XIRP2: variants seen among roughly 807,000 people sequenced by gnomAD.
XIRP2 encodes the protein xin actin-binding repeat-containing protein 2.
Under a neutral mutation model 277.0 loss-of-function variants are expected in XIRP2, and 236 were observed. The observed-to-expected ratio is 0.85, with a 90% CI of 0.77 to 0.95. The LOEUF (loss-of-function observed/expected upper bound fraction) is 0.95, where lower values mean the gene tolerates loss of function less well. Among genes scored for constraint, XIRP2 ranks in the 40% least tolerant of loss-of-function variants. The probability of loss-of-function intolerance (pLI) is 0.00; values close to 1 mark genes in which losing one functional copy is unlikely to be tolerated. For missense variants in XIRP2, 4,640 were observed against 4,157.5 expected, an observed-to-expected ratio of 1.12 and a Z score of -3.19; for synonymous variants, 1,490 against 1,416.5, an observed-to-expected ratio of 1.05 and a Z score of -1.17.
chr2:167,199,200 T>G (rs1405349704), intron 3 of XIRP2, among the ~76,000 whole-genome samples: 3 of 152,136 alleles, frequency 2.0e-5, no homozygotes, highest in Non-Finnish European at 2.9e-5. Flanking sequence ...GAGAGGAAAT[T>G]CCTAAAACAC....
intron 3 of XIRP2, among the ~76,000 whole-genome samples, chr2:167,196,907 G>C (rs1254530696): frequency 6.6e-6 from 1 of 152,078 alleles, no homozygotes; most frequent in Non-Finnish European, 1.5e-5. Context: ...ACTGGGCTGG[G>C]GAGGCTAGTT....
chr2:166,914,821 G>A (rs1574075104), intron 2 of XIRP2, among the ~76,000 whole-genome samples: 1 of 151,954 alleles, frequency 6.6e-6, no homozygotes, highest in African/African-American at 2.4e-5. Context: ...TCAAAGTCAG[G>A]TCTTTGATTT....
chr2:167,148,165 T>C (rs1691911738), intron 3 of XIRP2, among the ~76,000 whole-genome samples: 1 of 151,968 alleles, frequency 6.6e-6, no homozygotes, highest in Admixed American at 6.6e-5. Context: ...GTGGATCACC[T>C]GAAGTCAGGA....
intron 3 of XIRP2, among the ~76,000 whole-genome samples, chr2:167,175,906 TG>T (rs1388770149): frequency 5.3e-5 from 8 of 152,192 alleles, no homozygotes; most frequent in Admixed American, 1.3e-4. Flanking sequence ...CCAGCGGCTT[TG>T]TTTACCCTGT....
chr2:167,246,476 T>C lies in XIRP2; in HGVS notation c.5084T>C (p.Leu1695Pro), dbSNP rs1308545681. 1 of 1,613,732 alleles carries C rather than the reference T, an allele frequency of 6.2e-7. No homozygotes were observed. Reference sequence around the variant, plus strand: ...ATTAACATGACTATCTATTGTCTTCTTCATGAAAATGATGGTGACACAATT... The same window carrying C: ...ATTAACATGACTATCTATTGTCTTCCTCATGAAAATGATGGTGACACAATT... ...GDINMTIYCL[L>P]HENDGDTIER... Residue 1695 changes from leucine to proline, a missense_variant, in exon 9 of 11, where the codon CTT (leucine) becomes CCT (proline). Coordinates refer to ENST00000409195, the MANE Select transcript of XIRP2 (RefSeq NM_152381.6).
intron 9 of XIRP2, among the ~76,000 whole-genome samples, chr2:167,252,849 A>G (rs1279804601): frequency 6.6e-6 from 1 of 151,988 alleles, no homozygotes; most frequent in Non-Finnish European, 1.5e-5. Flanking sequence ...TGCCTCCATC[A>G]TATTTGCAAC....
At chr2:167,136,758 T>C (rs1327682014) in intron 3 of XIRP2, among the ~76,000 whole-genome samples, 1 of 152,216 alleles carries the variant, frequency 6.6e-6, no homozygotes, top group Non-Finnish European at 1.5e-5. Context: ...ATAATGTCTA[T>C]TGTAGTATTT....
intron 3 of XIRP2, among the ~76,000 whole-genome samples, chr2:167,173,893 T>C (rs1173833771): frequency 6.6e-6 from 1 of 152,198 alleles, no homozygotes; most frequent in East Asian, 1.9e-4. Context: ...TTCATATGCC[T>C]GTTTGCCATT....
At chr2:167,231,653 C>A (rs1471645326) in intron 5 of XIRP2, among the ~76,000 whole-genome samples, 1 of 151,780 alleles carries the variant, frequency 6.6e-6, no homozygotes, top group Non-Finnish European at 1.5e-5. Context: ...ACTGCAAATA[C>A]CATACACTCA....
chr2:167,120,340 C>T (rs1691020585), intron 2 of XIRP2, among the ~76,000 whole-genome samples: 1 of 152,128 alleles, frequency 6.6e-6, no homozygotes, highest in Non-Finnish European at 1.5e-5. Flanking sequence ...TCCTCCATGG[C>T]ACTGAGTGTT....
chr2:166,917,844 T>C (rs115998963), intron 2 of XIRP2, among the ~76,000 whole-genome samples: 3,103 of 152,288 alleles, frequency 0.02, 53 homozygotes, highest in South Asian at 0.053. Flanking sequence ...TAGATGTTTA[T>C]TCAACATTTC....
chr2:167,001,576 A>G (rs1687372102), intron 2 of XIRP2, among the ~76,000 whole-genome samples: 1 of 152,182 alleles, frequency 6.6e-6, no homozygotes, highest in Admixed American at 6.6e-5. Context: ...TGGTCACCCA[A>G]TCATTACTAT....
rs752292403 is a variant in XIRP2 at position 167,246,951 on chromosome 2, T to A, written c.5559T>A (p.Asn1853Lys). 6.2e-7 allele frequency: 1 copy of A among 1,613,378 alleles called. No individual in the cohort carries two copies. Among genetic ancestry groups the A allele is most frequent in the South Asian group, 1.1e-5 (1 of 91,062 alleles). Residue 1853 changes from asparagine (N) to lysine (K), a missense_variant, in exon 9 of 11, where the codon AAT becomes AAA. Asn to Lys is a moderately conservative substitution (Grantham distance 94). Coordinates refer to ENST00000409195, the MANE Select transcript of XIRP2 (RefSeq NM_152381.6). ...STLNSLSQAV[N>K]QKTVTKTEEI... ...TAAATTCCCTCAGCCAGGCTGTAAA[T>A]CAGAAAACAGTGACGAAAACAGAAG...
intron 1 of XIRP2, among the ~76,000 whole-genome samples, chr2:166,896,398 G>A (rs1005958196): frequency 3.9e-5 from 6 of 152,054 alleles, no homozygotes; most frequent in African/African-American, 4.8e-5. Flanking sequence ...TAGTGATATC[G>A]GAGGTGAAAG....
intron 2 of XIRP2, among the ~76,000 whole-genome samples, chr2:167,024,500 A>G (rs1336555965): frequency 6.6e-6 from 1 of 151,938 alleles, no homozygotes; most frequent in Non-Finnish European, 1.5e-5. Context: ...GTTGAATAGG[A>G]GTGGTGAGAG....
At chr2:167,003,514 A>C (rs1687425552) in intron 2 of XIRP2, among the ~76,000 whole-genome samples, 2 of 151,684 alleles carry the variant, frequency 1.3e-5, no homozygotes, top group African/African-American at 4.8e-5. Flanking sequence ...GATAGCCCAG[A>C]CACAAAAATC....
intron 2 of XIRP2, among the ~76,000 whole-genome samples, chr2:167,025,497 C>T (rs201349281): frequency 0.096 from 14,561 of 151,642 alleles, 1,150 homozygotes; most frequent in East Asian, 0.37. Context: ...CTTCTGCTAG[C>T]TTTTGAATGT....
At chr2:167,257,401 C>G (rs892054204) in intron 10 of XIRP2, among the ~76,000 whole-genome samples, 4 of 151,910 alleles carry the variant, frequency 2.6e-5, no homozygotes, top group Admixed American at 2.6e-4. Context: ...TTAAATCACT[C>G]AATTTGTTAA....
At chr2:166,922,226 G>A (rs72882764) in intron 2 of XIRP2, among the ~76,000 whole-genome samples, 31,604 of 151,436 alleles carry the variant, frequency 0.21, 3,985 homozygotes, top group Admixed American at 0.28. Context: ...GACCCTCTGG[G>A]TAGAAGCTAC....
Sources: allele counts gnomAD v4.1 joint callset (sites outside exome capture counted in the v4.1 genomes callset), GRCh38; gene constraint gnomAD v4.1.1; transcripts MANE v1.5; gene names NCBI Gene and HGNC (gene_info 2026-07-23, HGNC 2026-07-21).